ADGRB3: variants seen among roughly 807,000 people sequenced by gnomAD.
The protein encoded by ADGRB3 is adhesion G protein-coupled receptor B3.
Under a neutral mutation model 193.4 loss-of-function variants are expected in ADGRB3, and 37 were observed. That is an observed-to-expected ratio of 0.19 (90% CI 0.15 to 0.25). ADGRB3 has a LOEUF of 0.25. Among genes scored for constraint, ADGRB3 ranks in the 10% least tolerant of loss-of-function variants. ADGRB3 has a pLI of 1.00. For synonymous variants in ADGRB3, 690 were observed against 644.2 expected, an observed-to-expected ratio of 1.07 and a Z score of -1.08; for missense variants, 1,637 against 1,852.9, an observed-to-expected ratio of 0.88 and a Z score of 2.14.
chr6:69,202,048 C>T (rs573898793), intron 17 of ADGRB3, among the ~76,000 whole-genome samples: 3 of 152,228 alleles, frequency 2.0e-5, no homozygotes, highest in African/African-American at 7.2e-5. Flanking sequence ...TGCCAGCTTG[C>T]CTGCCAGTGT....
rs577767620 is a variant in ADGRB3 at position 69,218,015 on chromosome 6, C to A, written c.2481-15275C>A. ...AGGTCTTGAGATATACATATTTTTG[C>A]ATATAACATTAACATATTCTGGTGA... On this transcript the variant is annotated intron_variant, in intron 17 of 31. Coordinates refer to ENST00000370598, the MANE Select transcript of ADGRB3 (RefSeq NM_001704.3). 5.1e-5 allele frequency among the ~76,000 whole-genome samples: 7 copies of A among 138,202 alleles called. No individual in the cohort carries two copies. In the East Asian group the frequency reaches 1.4e-3, roughly 29 times the overall value. 90.7% of individuals were successfully genotyped at this position (138,202 alleles called of 152,430 possible).
At chr6:68,844,685 C>T (rs1371416109) in intron 3 of ADGRB3, among the ~76,000 whole-genome samples, 1 of 152,130 alleles carries the variant, frequency 6.6e-6, no homozygotes, top group African/African-American at 2.4e-5. Flanking sequence ...TTGCATTACT[C>T]TTCAAATAGC....
At chr6:68,915,274 A>G (rs1040317357) in intron 3 of ADGRB3, among the ~76,000 whole-genome samples, 5 of 132,766 alleles carry the variant, frequency 3.8e-5, no homozygotes, top group South Asian at 5.3e-4. Context: ...AAATGAGAAT[A>G]ATAATAGGAC....
chr6:68,936,457 T>G (rs1582328939), intron 4 of ADGRB3, 62 bp from the exon 5 acceptor site: 2 of 1,510,406 alleles, frequency 1.3e-6, no homozygotes, highest in East Asian at 4.6e-5. Flanking sequence ...CAGTTTGGTA[T>G]AATGCTTACT....
At chr6:69,056,269 G>GA (rs1034667573) in intron 15 of ADGRB3, among the ~76,000 whole-genome samples, 2 of 151,876 alleles carry the variant, frequency 1.3e-5, no homozygotes, top group African/African-American at 2.4e-5. Context: ...ACCTTCTTTG[G>GA]AAAAAATGTC....
chr6:69,020,476 A>AT (rs1770231290), intron 13 of ADGRB3, among the ~76,000 whole-genome samples: 1 of 151,852 alleles, frequency 6.6e-6, no homozygotes, highest in African/African-American at 2.4e-5. Flanking sequence ...AATATTGTGT[A>AT]TTTTTTTGCA....
chr6:68,943,772 A>G lies in ADGRB3; in HGVS notation c.1031-58A>G, dbSNP rs534879466. The G allele has an allele frequency of 2.8e-6, 4 of 1,417,352 alleles. No individual in the cohort carries two copies. In the African/African-American group the frequency reaches 4.2e-5, roughly 15 times the overall value. The allele number at this position is 1,417,352 out of a possible 1,614,324, so 87.8% of individuals were successfully genotyped here. On this transcript the variant is annotated intron_variant, in intron 5 of 31. Transcript: ENST00000370598. ...GTTTTGCTTTTTAATTATAAAGAAA[A>G]TGATCTTTGATTTTACTGCTCTGCT...
intron 3 of ADGRB3, among the ~76,000 whole-genome samples, chr6:68,829,181 C>T (rs1268778005): frequency 7.0e-6 from 1 of 142,510 alleles, no homozygotes; most frequent in East Asian, 2.1e-4. Flanking sequence ...CTCACTGAAA[C>T]CTCTGCCTCC....
intron 13 of ADGRB3, among the ~76,000 whole-genome samples, chr6:69,034,901 A>G (rs149309317): frequency 5.4e-4 from 82 of 152,018 alleles, no homozygotes; most frequent in Non-Finnish European, 9.7e-4. Flanking sequence ...GTGGGGTTGG[A>G]GAGTAAGCTA....
intron 14 of ADGRB3, among the ~76,000 whole-genome samples, chr6:69,048,715 T>A (rs1165508504): frequency 6.6e-6 from 1 of 152,144 alleles, no homozygotes; most frequent in African/African-American, 2.4e-5. Context: ...TTGCTTCGGT[T>A]TGAAGATATT....
At chr6:68,893,659 C>T (rs537869032) in intron 3 of ADGRB3, among the ~76,000 whole-genome samples, 31 of 151,746 alleles carry the variant, frequency 2.0e-4, no homozygotes, top group Middle Eastern at 3.4e-3. Context: ...AAGTATTATG[C>T]TTTTATGAAA....
intron 17 of ADGRB3, among the ~76,000 whole-genome samples, chr6:69,113,588 T>A (rs1180507442): frequency 1.3e-5 from 2 of 152,116 alleles, no homozygotes; most frequent in Admixed American, 6.5e-5. Context: ...TCATAAATAT[T>A]TATAGAAAAT....
chr6:69,368,678 A>G (rs1041443113), intron 29 of ADGRB3, among the ~76,000 whole-genome samples: 3 of 151,988 alleles, frequency 2.0e-5, no homozygotes, highest in Non-Finnish European at 4.4e-5. Context: ...GGACTTCAGC[A>G]TAAGCTGCAG....
intron 3 of ADGRB3, among the ~76,000 whole-genome samples, chr6:68,892,254 G>A (rs1562074292): frequency 6.6e-6 from 1 of 152,070 alleles, no homozygotes; most frequent in Non-Finnish European, 1.5e-5. Context: ...TCATTGTTGA[G>A]GAGTAGGATC....
chr6:69,149,063 T>G (rs1774588040), intron 17 of ADGRB3, among the ~76,000 whole-genome samples: 1 of 152,186 alleles, frequency 6.6e-6, no homozygotes, highest in East Asian at 1.9e-4. Flanking sequence ...TTCTTGTAGT[T>G]GAATATTGAT....
At chr6:69,354,577 C>G (rs1769296957) in intron 27 of ADGRB3, among the ~76,000 whole-genome samples, 1 of 152,124 alleles carries the variant, frequency 6.6e-6, no homozygotes, top group Non-Finnish European at 1.5e-5. Flanking sequence ...TATGTTCCTC[C>G]TTGCGTAGAA....
At chr6:68,985,238 T>C (rs1230058036) in intron 10 of ADGRB3, among the ~76,000 whole-genome samples, 3 of 152,172 alleles carry the variant, frequency 2.0e-5, no homozygotes, top group Non-Finnish European at 4.4e-5. Context: ...ACCTGAGAGC[T>C]TGTTAGAAAT....
At chr6:68,780,066 T>C (rs1766824561) in intron 3 of ADGRB3, among the ~76,000 whole-genome samples, 1 of 152,106 alleles carries the variant, frequency 6.6e-6, no homozygotes, top group African/African-American at 2.4e-5. Flanking sequence ...TTACATTGCA[T>C]AGCCCCTTTT....
rs558499995 is a variant in ADGRB3, at chr6:68,676,234, T to C, written c.757+36802T>C. ...CACGAAACCCCGTCTCCACTAAAAG[T>C]ACAAAATATTAGCTGGGCGTGGTGG... On this transcript the variant is annotated intron_variant, in intron 3 of 31. Coordinates refer to ENST00000370598, the MANE Select transcript of ADGRB3 (RefSeq NM_001704.3). Among the ~76,000 whole-genome samples the C allele has an allele frequency of 9.3e-4, 140 of 151,214 alleles. 2 individuals carry two copies. The South Asian group carries it at 0.011, about 12-fold the overall frequency.
Sources: allele counts gnomAD v4.1 joint callset (sites outside exome capture counted in the v4.1 genomes callset), GRCh38; gene constraint gnomAD v4.1.1; transcripts MANE v1.5; gene names NCBI Gene and HGNC (gene_info 2026-07-23, HGNC 2026-07-21).